KCNH5: variants seen among roughly 807,000 people sequenced by gnomAD.
KCNH5 encodes voltage-gated delayed rectifier potassium channel KCNH5.
In KCNH5, 46 loss-of-function variants were observed where a neutral mutation model predicts 96.1. The observed-to-expected ratio is 0.48, with a 90% confidence interval of 0.38 to 0.61. The LOEUF (loss-of-function observed/expected upper bound fraction) is 0.61. KCNH5 is among the 20% of genes least tolerant of loss of function. The pLI is 0.00. For missense variants in KCNH5, 907 were observed against 1,225.8 expected, an observed-to-expected ratio of 0.74 and a Z score of 3.88; for synonymous variants, 439 against 449.8, an observed-to-expected ratio of 0.98 and a Z score of 0.30.
Position 63,021,280 on chromosome 14 carries a change from A to G in KCNH5, c.74-4326T>C, listed in dbSNP as rs959615112. 2.6e-5 allele frequency among the ~76,000 whole-genome samples: 4 copies of G among 152,256 alleles called. No homozygotes were observed. In the East Asian group the frequency reaches 7.8e-4, roughly 30 times the overall value. On this transcript the variant is annotated intron_variant, in intron 1 of 10. Transcript: ENST00000322893. ...GATCAACAATCCCAACTGTTTATAT[A>G]ATCAAATCTCAAATCCTTTCCGAGG... is the stretch of plus-strand genomic sequence containing the variant.
At chr14:62,813,037 C>T (rs1203633806) in intron 8 of KCNH5, among the ~76,000 whole-genome samples, 2 of 152,154 alleles carry the variant, frequency 1.3e-5, no homozygotes, top group South Asian at 2.1e-4. Flanking sequence ...CAACAAATAA[C>T]CTTGTACCTA....
intron 6 of KCNH5, among the ~76,000 whole-genome samples, chr14:62,979,524 T>C (rs1890566819): frequency 6.6e-6 from 1 of 151,926 alleles, no homozygotes; most frequent in South Asian, 2.1e-4. Context: ...CCAACACACA[T>C]AGAGAAATAA....
intron 8 of KCNH5, among the ~76,000 whole-genome samples, chr14:62,846,945 CGCCCGCCA>C (rs1041241242): frequency 3.4e-5 from 5 of 148,438 alleles, no homozygotes; most frequent in African/African-American, 1.2e-4. Context: ...GGACTACAGG[CGCCCGCCA>C]GCACGCCCGG....
intron 7 of KCNH5, among the ~76,000 whole-genome samples, chr14:62,884,301 T>C (rs540757978): frequency 7.4e-4 from 112 of 152,268 alleles, no homozygotes; most frequent in Non-Finnish European, 1.1e-3. Context: ...GACTTAGAAA[T>C]GAAAATTACT....
At chr14:62,847,697 T>C (rs1887727121) in intron 8 of KCNH5, among the ~76,000 whole-genome samples, 1 of 152,226 alleles carries the variant, frequency 6.6e-6, no homozygotes, top group African/African-American at 2.4e-5. Flanking sequence ...TGAAATTAAA[T>C]TTTTATTTCA....
At chr14:63,011,469 AGTCT>A (rs1891226218) in intron 2 of KCNH5, among the ~76,000 whole-genome samples, 1 of 146,132 alleles carries the variant, frequency 6.8e-6, no homozygotes, top group Non-Finnish European at 1.5e-5. Context: ...AAAGAGAGAA[AGTCT>A]GTCTCAAAAA....
chr14:62,753,534 A>G (rs72625622), intron 10 of KCNH5, among the ~76,000 whole-genome samples: 10,862 of 152,194 alleles, frequency 0.071, 549 homozygotes, highest in East Asian at 0.24. Context: ...AACTACCTCA[A>G]TGCATTTAAT....
chr14:62,723,050 G>T (rs1390131792), intron 10 of KCNH5, among the ~76,000 whole-genome samples: 1 of 152,254 alleles, frequency 6.6e-6, no homozygotes, highest in Non-Finnish European at 1.5e-5. Flanking sequence ...ACATCTCACA[G>T]GTGGCTTTAG....
At chr14:63,030,787 A>T (rs1448520190) in intron 1 of KCNH5, among the ~76,000 whole-genome samples, 1 of 152,216 alleles carries the variant, frequency 6.6e-6, no homozygotes, top group Non-Finnish European at 1.5e-5. Flanking sequence ...AGTGTCAAAA[A>T]TAGAGATTGT....
intron 7 of KCNH5, among the ~76,000 whole-genome samples, chr14:62,862,900 G>T (rs1312650127): frequency 3.9e-5 from 6 of 152,090 alleles, no homozygotes; most frequent in African/African-American, 1.2e-4. Context: ...GTGGATTTAG[G>T]TCACTTTGGA....
At chr14:62,883,593 T>C (rs770251077) in intron 7 of KCNH5, among the ~76,000 whole-genome samples, 1 of 152,080 alleles carries the variant, frequency 6.6e-6, no homozygotes, top group Non-Finnish European at 1.5e-5. Context: ...CTAAATGAAA[T>C]ATATATTTGC....
chr14:62,915,820 A>T (rs1336439177), intron 7 of KCNH5, among the ~76,000 whole-genome samples: 1 of 152,178 alleles, frequency 6.6e-6, no homozygotes, highest in East Asian at 1.9e-4. Context: ...TCTTAACTAC[A>T]ACTTTAATAT....
At chr14:63,018,329 T>C (rs1192631240) in intron 1 of KCNH5, among the ~76,000 whole-genome samples, 1 of 151,662 alleles carries the variant, frequency 6.6e-6, no homozygotes. Context: ...CAACTTGGAG[T>C]TGGGGAAATC....
At chr14:62,945,124 C>T (rs552121694) in intron 7 of KCNH5, among the ~76,000 whole-genome samples, 6 of 152,264 alleles carry the variant, frequency 3.9e-5, no homozygotes, top group South Asian at 4.1e-4. Context: ...AATACAGTTT[C>T]GGAAACCCAA....
At chr14:62,868,932 A>G (rs1337734197) in intron 7 of KCNH5, among the ~76,000 whole-genome samples, 3 of 152,196 alleles carry the variant, frequency 2.0e-5, no homozygotes, top group African/African-American at 7.2e-5. Flanking sequence ...TATCCAGTCT[A>G]TCACTGATGG....
chr14:63,023,411 G>A (rs1891466432), intron 1 of KCNH5, among the ~76,000 whole-genome samples: 1 of 151,952 alleles, frequency 6.6e-6, no homozygotes, highest in South Asian at 2.1e-4. Flanking sequence ...TATATAATTG[G>A]TATTATAAAA....
At position 62,950,055 on chromosome 14, in the gene KCNH5, G is replaced by A. The variant is rs750023942; in HGVS notation, c.1369+78C>T. ...TACCTTTCTGTAAACAAAGTAGTTC[G>A]TTTTCATCCTATCTGAGATTGTAGC... On this transcript the variant is annotated intron_variant, in intron 7 of 10. Coordinates refer to ENST00000322893, the MANE Select transcript of KCNH5 (RefSeq NM_139318.5). 110 of 1,278,208 alleles carry A rather than the reference G, an allele frequency of 8.6e-5. No homozygotes were observed. The Middle Eastern group carries it at 1.3e-3, about 15-fold the overall frequency. The allele number at this position is 1,278,208 out of a possible 1,614,324, so 79.2% of individuals were successfully genotyped here.
chr14:62,774,925 T>C lies in KCNH5; in HGVS notation c.2019+4803A>G, dbSNP rs569985495. Reference sequence around the variant, plus strand: ...GCCTGTGGACCTCTCCTTAAAAGAATTGCTCTAAATGCACAAAATAAAATA... The same window carrying C: ...GCCTGTGGACCTCTCCTTAAAAGAACTGCTCTAAATGCACAAAATAAAATA... On this transcript the variant is annotated intron_variant, in intron 10 of 10. Coordinates refer to ENST00000322893, the MANE Select transcript of KCNH5 (RefSeq NM_139318.5). Among the ~76,000 whole-genome samples the C allele has an allele frequency of 7.8e-4, 119 of 152,302 alleles. 1 individual carries two copies. The highest frequency in any genetic ancestry group is 1.5e-3 in the Non-Finnish European group (101 of 68,016).
chr14:62,999,869 TA>T (rs373750249), intron 4 of KCNH5, among the ~76,000 whole-genome samples: 6,644 of 119,988 alleles, frequency 0.055, 322 homozygotes, highest in African/African-American at 0.15. Context: ...ATAATAATAA[TA>T]AAAAAAAAAG....
Sources: gnomAD v4.1 joint callset for allele counts (sites outside exome capture counted in the v4.1 genomes callset) on GRCh38, gnomAD v4.1.1 for gene constraint, MANE v1.5 for transcripts, NCBI Gene and HGNC (gene_info 2026-07-23, HGNC 2026-07-21) for gene names.